The following CLEC1B variants were observed in gnomAD, a reference collection of about 807,000 sequenced individuals.
The protein encoded by CLEC1B is C-type lectin domain family 1 member B, also known as C-type lectin-like receptor 2.
In CLEC1B, 26 loss-of-function variants were observed where a neutral mutation model predicts 26.7. The ratio of observed to expected loss-of-function variants is 0.97; its 90% CI spans 0.71 to 1.35. The LOEUF is 1.35. CLEC1B is among the 40% of genes most tolerant of loss of function. CLEC1B has a pLI of 0.00. For synonymous variants in CLEC1B, 112 were observed against 96.0 expected, an observed-to-expected ratio of 1.17 and a Z score of -0.97; for missense variants, 293 against 282.6, an observed-to-expected ratio of 1.04 and a Z score of -0.26.
chr12:9,993,990 G>T (rs993080864), intron 5 of CLEC1B, among the ~76,000 whole-genome samples: 2 of 151,980 alleles, frequency 1.3e-5, no homozygotes, highest in Non-Finnish European at 2.9e-5. Context: ...GGGCGATACC[G>T]GTAAGAAGCC....
rs374690524 is a variant in CLEC1B, at chr12:9,996,882, A to C, written c.402T>G (p.Asn134Lys). The change falls in exon 4 of 6, where the codon AAT (asparagine) becomes AAG (lysine). Residue 134 changes from asparagine (N) to lysine (K), a missense_variant. Physicochemically the swap from Asn to Lys is moderately conservative, Grantham distance 94. Transcript: ENST00000298527. ...GGTTGTCAATCTTCAGGAGAGTAGC[A>C]TTCATGTCAGTGCAGTACTGCTTAC... ...EESKQYCTDM[N>K]ATLLKIDNRN... is the part of the protein sequence containing the mutation. 3.1e-6 allele frequency: 5 copies of C among 1,613,978 alleles called. No homozygotes were observed. Among genetic ancestry groups the C allele is most frequent in the African/African-American group, 1.3e-5 (1 of 74,934 alleles).
At chr12:9,994,844 C>T (rs1003213534) in intron 5 of CLEC1B, among the ~76,000 whole-genome samples, 1 of 151,916 alleles carries the variant, frequency 6.6e-6, no homozygotes, top group African/African-American at 2.4e-5. Context: ...CACACACACA[C>T]ACACACTCAC....
rs1591848864 is a variant in CLEC1B, at chr12:9,994,953, G to C, written c.545+187C>G. ...AAAGGTGGATTGTGGCTTAGATAAA[G>C]AGCAAAGTAATGGGAGAGAGGGGAA... On this transcript the variant is annotated intron_variant, in intron 5 of 5. Coordinates refer to ENST00000298527, the MANE Select transcript of CLEC1B (RefSeq NM_016509.4). 3 of 1,452,288 alleles carry C rather than the reference G, an allele frequency of 2.1e-6. No homozygotes were observed. In the East Asian group the frequency reaches 8.4e-5, roughly 41 times the overall value. The allele number at this position is 1,452,288 out of a possible 1,614,324, so 90.0% of individuals were successfully genotyped here.
rs1486400258 is a variant in CLEC1B, at chr12:9,994,415, A to T, written c.545+725T>A. On this transcript the variant is annotated intron_variant, in intron 5 of 5. Coordinates refer to ENST00000298527, the MANE Select transcript of CLEC1B (RefSeq NM_016509.4). Reference sequence around the variant, plus strand: ...ATACTTAATAAATATTTGTTTAAAAATTTAATTCATAATTTGAGTAATAAT... The same window carrying T: ...ATACTTAATAAATATTTGTTTAAAATTTTAATTCATAATTTGAGTAATAAT... 5.3e-5 allele frequency among the ~76,000 whole-genome samples: 8 copies of T among 152,278 alleles called. No homozygotes were observed. In the East Asian group the frequency reaches 1.5e-3, roughly 29 times the overall value.
intron 5 of CLEC1B, among the ~76,000 whole-genome samples, chr12:9,994,543 A>G (rs1864983751): frequency 6.6e-6 from 1 of 152,108 alleles, no homozygotes; most frequent in South Asian, 2.1e-4. Flanking sequence ...CAGATTGGAA[A>G]GCCATATAGG....
rs1406728055 is a variant in CLEC1B, at chr12:9,998,365, G to A, written c.80C>T (p.Ser27Phe). The change falls in exon 2 of 6, where the codon TCC becomes TTC. Residue 27 changes from serine (S) to phenylalanine (F), a missense_variant. By Grantham distance (155) the Ser-to-Phe change is radical (BLOSUM62 -2). Coordinates refer to ENST00000298527, the MANE Select transcript of CLEC1B (RefSeq NM_016509.4). ...PALISVGSASSSWWRVMALIL... is the reference protein window; with the variant it reads ...PALISVGSASFSWWRVMALIL... Reference sequence around the variant, plus strand: ...CAAAGCCATCACACGCCACCAGGAGGAGGATGCAGAGCCAACTGTAGGCAT... The same window carrying A: ...CAAAGCCATCACACGCCACCAGGAGAAGGATGCAGAGCCAACTGTAGGCAT... 5 of 1,613,828 alleles carry A rather than the reference G, an allele frequency of 3.1e-6. No homozygotes were observed. Among genetic ancestry groups the A allele is most frequent in the Non-Finnish European group, 3.4e-6 (4 of 1,179,774 alleles).
chr12:9,995,859 C>G (rs1238034444), intron 4 of CLEC1B, among the ~76,000 whole-genome samples: 1 of 152,098 alleles, frequency 6.6e-6, no homozygotes, highest in African/African-American at 2.4e-5. Flanking sequence ...TTGGCTGTTG[C>G]TTTAACTAGA....
At chr12:9,995,095 A>C in intron 5 of CLEC1B, 45 bp downstream of exon 5, 1 of 1,603,944 alleles carries the variant, frequency 6.2e-7, no homozygotes, top group Non-Finnish European at 8.5e-7. Context: ...CTCAAGAATA[A>C]GAGTTTCCAG....
At position 9,993,411 on chromosome 12, in the gene CLEC1B, A is replaced by AG; in HGVS notation, c.546-125_546-124insC. On this transcript the variant is annotated intron_variant, in intron 5 of 5. Transcript: ENST00000298527. Reference sequence around the variant, plus strand: ...AGGAAAATAGGAAAAAAAAACAAAAAAAAAAACGATTCTCATTGTTGAGAA... The same window carrying AG: ...AGGAAAATAGGAAAAAAAAACAAAAAGAAAAAACGATTCTCATTGTTGAGAA... 2.7e-6 allele frequency: 2 copies of AG among 746,142 alleles called. 1 individual carries two copies. The highest frequency in any genetic ancestry group is 4.2e-6 in the Non-Finnish European group (2 of 473,250). 46.2% of individuals were successfully genotyped at this position (746,142 alleles called of 1,614,324 possible).
intron 5 of CLEC1B, 119 bp from the exon 6 acceptor site, chr12:9,993,406 C>CAAA (rs11412323): frequency 1.7e-4 from 89 of 509,346 alleles, no homozygotes; most frequent in South Asian, 4.3e-4. Flanking sequence ...GAAAAAAAAA[C>CAAA]AAAAAAAAAA....
rs187025027 is a variant in CLEC1B at position 9,995,015 on chromosome 12, T to C, written c.545+125A>G. 5,140 of 1,572,286 alleles carry C rather than the reference T, an allele frequency of 3.3e-3. 17 individuals are homozygous for C. The highest frequency in any genetic ancestry group is 4.0e-3 in the Non-Finnish European group (4,682 of 1,159,328). On this transcript the variant is annotated intron_variant, in intron 5 of 5. Coordinates refer to ENST00000298527, the MANE Select transcript of CLEC1B (RefSeq NM_016509.4). ...ATGACCAGCGCTGTCTTGTTTGAAT[T>C]AGCAGGTAAGTGACCCAGCTGCTGC...
rs773981146 is a variant in CLEC1B at position 9,996,993 on chromosome 12, A to C, written c.291T>G (p.His97Gln). 6 of 1,613,858 alleles carry C rather than the reference A, an allele frequency of 3.7e-6. No individual in the cohort carries two copies. Among genetic ancestry groups the C allele is most frequent in the Non-Finnish European group, 3.4e-6 (4 of 1,179,966 alleles). Residue 97 changes from histidine to glutamine, a missense_variant, in exon 4 of 6, where the codon CAT becomes CAG. By Grantham distance (24) the His-to-Gln change is conservative. Transcript: ENST00000298527. ...AGTTTGTGTCACAGGGGCTGCATTT[A>C]TGACCTTCTGGAGAAACCAAGCACA... ...QSELKGTFKG[H>Q]KCSPCDTNWR...
At chr12:9,993,408 A>AC (rs1455151678) in intron 5 of CLEC1B, 121 bp from the exon 6 acceptor site, 26 of 747,618 alleles carry the variant, frequency 3.5e-5, no homozygotes, top group South Asian at 1.5e-4. Context: ...AAAAAAAACA[A>AC]AAAAAAAAAC....
intron 4 of CLEC1B, chr12:9,995,514 A>G (rs1031175905): frequency 2.5e-6 from 1 of 393,356 alleles, no homozygotes; most frequent in African/African-American, 2.1e-5. Flanking sequence ...TAGATCTTCA[A>G]CCAGTTGAGG....
In CLEC1B at chr12:9,999,102, G is replaced by A. The variant is rs1225754569; in HGVS notation, c.-2C>T. ...GATGTATCCATCTTCATCCTGCATG[G>A]CTTCCCGAGTACTGCAACTGAGCTC... is the stretch of plus-strand genomic sequence containing the variant. On this transcript the variant is annotated 5_prime_UTR_variant, in exon 1 of 6. Coordinates refer to ENST00000298527, the MANE Select transcript of CLEC1B (RefSeq NM_016509.4). 2 of 1,603,760 alleles carry A rather than the reference G, an allele frequency of 1.2e-6. No individual in the cohort carries two copies. Among genetic ancestry groups the A allele is most frequent in the Non-Finnish European group, 1.7e-6 (2 of 1,173,044 alleles).
chr12:9,994,159 G>A (rs1216950662), intron 5 of CLEC1B, among the ~76,000 whole-genome samples: 2 of 152,102 alleles, frequency 1.3e-5, no homozygotes, highest in African/African-American at 4.8e-5. Context: ...TTGAGTCTCA[G>A]TGGAGAGATG....
upstream of CLEC1B, chr12:9,999,369 C>CTT (rs141897222): frequency 2.0e-5 from 6 of 293,932 alleles, no homozygotes; most frequent in East Asian, 5.7e-5. Context: ...TTGCTTCCTG[C>CTT]TTTTTTTTTA....
chr12:9,998,266 C>G lies in CLEC1B; in HGVS notation c.163+16G>C. ...TACCTTCCTCCAGTCAAATTTCTGG[C>G]AGAGTCAACACTTACACCAAATCCC... On this transcript the variant is annotated intron_variant, in intron 2 of 5. Coordinates refer to ENST00000298527, the MANE Select transcript of CLEC1B (RefSeq NM_016509.4). 2 of 1,604,334 alleles carry G rather than the reference C, an allele frequency of 1.2e-6. No individual in the cohort carries two copies. Among genetic ancestry groups the G allele is most frequent in the Non-Finnish European group, 1.7e-6 (2 of 1,171,182 alleles).
chr12:9,998,500 T>G (rs902017778), intron 1 of CLEC1B, 120 bp from the exon 2 acceptor site: 10 of 639,786 alleles, frequency 1.6e-5, no homozygotes, highest in Non-Finnish European at 2.6e-5. Context: ...AGAGCTTTGC[T>G]GGCAGATCTC....
Sources: gnomAD v4.1 joint callset for allele counts (sites outside exome capture counted in the v4.1 genomes callset) on GRCh38, gnomAD v4.1.1 for gene constraint, MANE v1.5 for transcripts, NCBI Gene and HGNC (gene_info 2026-07-23, HGNC 2026-07-21) for gene names.